PPL: variants seen among roughly 807,000 people sequenced by gnomAD.
PPL encodes 190 kDa paraneoplastic pemphigus antigen.
PPL carries 198 observed loss-of-function variants against 194.4 expected under a neutral mutation model. The observed-to-expected ratio is 1.02, with a 90% CI of 0.91 to 1.15. The LOEUF is 1.15. Ranked by LOEUF, PPL falls within the 50% of genes most tolerant of loss-of-function variation. The pLI is 0.00. For missense variants in PPL, 2,885 were observed against 2,294.8 expected, an observed-to-expected ratio of 1.26 and a Z score of -5.25; for synonymous variants, 1,220 against 972.4, an observed-to-expected ratio of 1.25 and a Z score of -4.74.
intron 2 of PPL, 142 bp downstream of exon 2, chr16:4,910,708 G>T: frequency 1.3e-6 from 1 of 741,012 alleles, no homozygotes; most frequent in Non-Finnish European, 2.3e-6. Flanking sequence ...CTTCCAAGCA[G>T]TGACAACCAA....
intron 2 of PPL, among the ~76,000 whole-genome samples, chr16:4,907,308 T>TCA (rs56210938): frequency 0.022 from 3,230 of 145,640 alleles, 70 homozygotes; most frequent in African/African-American, 0.055. Flanking sequence ...ATATCTAATC[T>TCA]CACACACACA....
At chr16:4,892,324 G>A (rs1280357280) in intron 14 of PPL, 111 bp from the exon 15 acceptor site, 1 of 1,214,950 alleles carries the variant, frequency 8.2e-7, no homozygotes, top group Non-Finnish European at 1.1e-6. Context: ...GAAGCAGCTG[G>A]AGAGGCCTGG....
At chr16:4,908,011 A>G (rs1158752702) in intron 2 of PPL, among the ~76,000 whole-genome samples, 1 of 151,676 alleles carries the variant, frequency 6.6e-6, no homozygotes, top group Non-Finnish European at 1.5e-5. Context: ...TAAATAAATA[A>G]ATTAGCTGGG....
intron 2 of PPL, among the ~76,000 whole-genome samples, chr16:4,907,452 A>G (rs2088714996): frequency 6.6e-6 from 1 of 152,050 alleles, no homozygotes; most frequent in Non-Finnish European, 1.5e-5. Context: ...CATGTTTAGC[A>G]TTTGAATAAA....
chr16:4,901,170 G>T, intron 4 of PPL, 81 bp from the exon 5 acceptor site: 2 of 1,503,642 alleles, frequency 1.3e-6, no homozygotes, highest in African/African-American at 1.4e-5. Context: ...AGCCTCGGGG[G>T]TGGGCATGAT....
chr16:4,932,966 C>T (rs1470955669), intron 1 of PPL, among the ~76,000 whole-genome samples: 1 of 151,768 alleles, frequency 6.6e-6, no homozygotes, highest in Non-Finnish European at 1.5e-5. Context: ...GCGGCCTGAA[C>T]TCATGCCCAG....
At chr16:4,915,603 G>T (rs371324627) in intron 1 of PPL, among the ~76,000 whole-genome samples, 1 of 152,184 alleles carries the variant, frequency 6.6e-6, no homozygotes, top group African/African-American at 2.4e-5. Context: ...GATTCTCCCC[G>T]CAAGCAATCT....
At chr16:4,930,066 T>A (rs138251780) in intron 1 of PPL, among the ~76,000 whole-genome samples, 1 of 152,220 alleles carries the variant, frequency 6.6e-6, no homozygotes, top group South Asian at 2.1e-4. Flanking sequence ...TAAAAATGTA[T>A]ATATGCAAGC....
intron 11 of PPL, 146 bp from the exon 12 acceptor site, chr16:4,894,764 G>A (rs2088388499): frequency 1.1e-6 from 1 of 921,156 alleles, no homozygotes; most frequent in Non-Finnish European, 1.6e-6. Context: ...GGGGCATGCA[G>A]GAGAAGCACA....
chr16:4,931,712 C>G (rs2089227906), intron 1 of PPL, among the ~76,000 whole-genome samples: 1 of 152,176 alleles, frequency 6.6e-6, no homozygotes, highest in African/African-American at 2.4e-5. Flanking sequence ...AGCAGCTTCT[C>G]CCCCAGGTCC....
At chr16:4,890,612 G>C in intron 17 of PPL, 116 bp downstream of exon 17, 1 of 1,281,142 alleles carries the variant, frequency 7.8e-7, no homozygotes, top group African/African-American at 1.5e-5. Flanking sequence ...AGAATCTGAC[G>C]AACTCACCAA....
In PPL at chr16:4,904,000, C is replaced by A; in HGVS notation, c.203G>T (p.Arg68Leu). Residue 68 changes from arginine (R) to leucine (L), a missense_variant, in exon 3 of 22, where the codon CGG becomes CTG. Coordinates refer to ENST00000345988, the MANE Select transcript of PPL (RefSeq NM_002705.5). ...RLQEGRQPEHRDVTLQKVLDS... is the reference protein window; with the variant it reads ...RLQEGRQPEHLDVTLQKVLDS... ...CAACACCTTCTGCAGGGTCACGTCC[C>A]GGTGCTCAGGCTGCCGACCCTCCTG... 2 of 1,613,350 alleles carry A rather than the reference C, an allele frequency of 1.2e-6. No homozygotes were observed. Among genetic ancestry groups the A allele is most frequent in the Non-Finnish European group, 1.7e-6 (2 of 1,180,000 alleles).
rs779875220 is a variant in PPL, at chr16:4,884,033, T to C, written c.4622A>G (p.Glu1541Gly). 53 of 1,613,550 alleles carry C rather than the reference T, an allele frequency of 3.3e-5. No individual in the cohort carries two copies. The highest frequency in any genetic ancestry group is 5.5e-5 in the South Asian group (5 of 91,086). ...RELDVEVSRL[E>G]ARLSELEFHN... ...GAATTCCAGCTCCGAAAGCCTGGCT[T>C]CCAGCCGGCTCACCTCGACGTCCAG... The change falls in exon 22 of 22, where the codon GAA becomes GGA. Residue 1541 changes from glutamate to glycine, a missense_variant. Glu to Gly is a moderately conservative substitution (Grantham distance 98). Transcript: ENST00000345988. This position sits in a 1 kb window ranked among gnomAD's most constrained non-coding sequence, Gnocchi z 5.7.
chr16:4,925,805 A>G (rs1305593079), intron 1 of PPL, among the ~76,000 whole-genome samples: 1 of 152,194 alleles, frequency 6.6e-6, no homozygotes, highest in Non-Finnish European at 1.5e-5. Context: ...CAAAGGGGAC[A>G]TCAGTATCAA....
At chr16:4,916,458 T>A (rs925433672) in intron 1 of PPL, among the ~76,000 whole-genome samples, 3 of 151,700 alleles carry the variant, frequency 2.0e-5, no homozygotes, top group Non-Finnish European at 4.4e-5. Flanking sequence ...GTGATGCACT[T>A]GCCTTGGCCT....
chr16:4,904,630 AC>A (rs2088645862), intron 2 of PPL, among the ~76,000 whole-genome samples: 1 of 152,194 alleles, frequency 6.6e-6, no homozygotes, highest in African/African-American at 2.4e-5. Context: ...AGAGCGAGCT[AC>A]GACTGGGCCA....
intron 1 of PPL, among the ~76,000 whole-genome samples, chr16:4,927,592 A>T (rs761327472): frequency 1.3e-5 from 2 of 152,256 alleles, no homozygotes; most frequent in Admixed American, 1.3e-4. Flanking sequence ...AATGTGCCCA[A>T]TGAATACCAG....
chr16:4,935,380 C>G (rs2089283272), intron 1 of PPL, among the ~76,000 whole-genome samples: 1 of 152,148 alleles, frequency 6.6e-6, no homozygotes, highest in African/African-American at 2.4e-5. Context: ...GTGTGAAGGA[C>G]TGGATGGGTC....
intron 1 of PPL, among the ~76,000 whole-genome samples, chr16:4,918,358 G>T (rs1236466426): frequency 6.6e-6 from 1 of 151,554 alleles, no homozygotes; most frequent in Non-Finnish European, 1.5e-5. Flanking sequence ...TCCTGAGTCA[G>T]GTCCTGCCTC....
Sources: allele counts gnomAD v4.1 joint callset (sites outside exome capture counted in the v4.1 genomes callset), GRCh38; gene constraint gnomAD v4.1.1; non-coding constraint Gnocchi (gnomAD v3.1); transcripts MANE v1.5; gene names NCBI Gene and HGNC (gene_info 2026-07-23, HGNC 2026-07-21).